The following OTOG variants were observed in gnomAD, a reference collection of about 807,000 sequenced individuals.
The protein encoded by OTOG is otogelin.
In OTOG, 296 loss-of-function variants were observed where a neutral mutation model predicts 313.8. The ratio of observed to expected loss-of-function variants is 0.94; its 90% CI spans 0.86 to 1.04. OTOG has a LOEUF of 1.04. Among genes scored for constraint, OTOG ranks in the 50% least tolerant of loss-of-function variants. The pLI is 0.00. For synonymous variants in OTOG, 1,533 were observed against 1,554.9 expected (o/e 0.99, Z 0.33); for missense variants, 3,948 against 3,840.1 (o/e 1.03, Z -0.74).
intron 15 of OTOG, among the ~76,000 whole-genome samples, chr11:17,564,790 A>G (rs1000835124): frequency 6.6e-6 from 1 of 152,180 alleles, no homozygotes; most frequent in Non-Finnish European, 1.5e-5. Context: ...CCCATTTTAA[A>G]TATGATGAGA....
intron 3 of OTOG, among the ~76,000 whole-genome samples, chr11:17,549,698 G>T (rs56878728): frequency 0.098 from 14,855 of 152,188 alleles, 831 homozygotes; most frequent in Middle Eastern, 0.27. Context: ...TTCCCTGTGG[G>T]TATCCTCCCG....
At chr11:17,564,142 T>A (rs1365664025) in intron 15 of OTOG, among the ~76,000 whole-genome samples, 1 of 152,172 alleles carries the variant, frequency 6.6e-6, no homozygotes, top group African/African-American at 2.4e-5. Flanking sequence ...ACCCACATGA[T>A]GGACCCATGG....
At chr11:17,640,692 G>A in intron 49 of OTOG, 53 bp from the exon 50 acceptor site, 3 of 1,526,508 alleles carry the variant, frequency 2.0e-6, no homozygotes, top group Non-Finnish European at 2.6e-6. Flanking sequence ...GACTGCTCCT[G>A]AGGGCCAGGC....
chr11:17,608,503 A>G (rs934734307), intron 34 of OTOG, 90 bp downstream of exon 34: 2 of 884,536 alleles, frequency 2.3e-6, no homozygotes, highest in Non-Finnish European at 3.3e-6. Context: ...AGTGTTTCAT[A>G]TGTTGAGTGT....
rs1420413015 is a variant in OTOG at position 17,551,991 on chromosome 11, C to A, written c.217-9C>A. 6.5e-7 allele frequency: 1 copy of A among 1,550,340 alleles called. No homozygotes were observed. Among genetic ancestry groups the A allele is most frequent in the South Asian group, 1.2e-5 (1 of 84,054 alleles). On this transcript the variant is annotated splice_polypyrimidine_tract_variant and intron_variant, in intron 3 of 55. Transcript: ENST00000399397. ...CCTCGATGTGTTCTCTTCCTCCTGTCTTCACAAGCAGGCTGAAGCCCCAGA... is the reference window on the plus strand; with the variant it reads ...CCTCGATGTGTTCTCTTCCTCCTGTATTCACAAGCAGGCTGAAGCCCCAGA...
chr11:17,571,116 G>C (rs1045287513), intron 17 of OTOG, among the ~76,000 whole-genome samples: 1 of 152,200 alleles, frequency 6.6e-6, no homozygotes, highest in Non-Finnish European at 1.5e-5. Flanking sequence ...TAGCCAAAAC[G>C]GAGAATTCAG....
chr11:17,576,790 C>A, intron 21 of OTOG, 78 bp from the exon 22 acceptor site: 1 of 1,519,844 alleles, frequency 6.6e-7, no homozygotes, highest in Non-Finnish European at 8.9e-7. Flanking sequence ...TCTGCAGTGA[C>A]CCGAGTGCAG....
Position 17,571,249 on chromosome 11 carries a change from G to A in OTOG, c.1956-831G>A, listed in dbSNP as rs191798689. On this transcript the variant is annotated intron_variant, in intron 17 of 55. Transcript: ENST00000399397. ...AGATGTTAGGGTAGCTGGCCAAATAGTAGGGGGAGACCTTGGTTTAGTGTG... is the reference window on the plus strand; with the variant it reads ...AGATGTTAGGGTAGCTGGCCAAATAATAGGGGGAGACCTTGGTTTAGTGTG... Among the ~76,000 whole-genome samples the A allele has an allele frequency of 3.7e-3, 567 of 152,352 alleles. 5 individuals carry two copies. The highest frequency in any genetic ancestry group is 0.012 in the African/African-American group (518 of 41,578).
At chr11:17,572,461 GC>G (rs1403960189) in intron 18 of OTOG, among the ~76,000 whole-genome samples, 4 of 152,162 alleles carry the variant, frequency 2.6e-5, no homozygotes, top group African/African-American at 9.7e-5. Context: ...GCGGAAGTCG[GC>G]CCCATGGCCC....
chr11:17,580,550 G>T (rs1461178674), intron 23 of OTOG, among the ~76,000 whole-genome samples: 1 of 152,214 alleles, frequency 6.6e-6, no homozygotes, highest in Non-Finnish European at 1.5e-5. Flanking sequence ...CCCATGATGG[G>T]CACACAGCAG....
intron 6 of OTOG, among the ~76,000 whole-genome samples, chr11:17,555,259 G>C (rs190584910): frequency 6.6e-6 from 1 of 152,062 alleles, no homozygotes; most frequent in Non-Finnish European, 1.5e-5. Context: ...AGTGAGATGT[G>C]TGCCGATGGG....
rs1853438047 is a variant in OTOG at position 17,608,286 on chromosome 11, C to T, written c.4157-10C>T. 1.3e-6 allele frequency: 2 copies of T among 1,514,886 alleles called. No individual in the cohort carries two copies. Among genetic ancestry groups the T allele is most frequent in the Admixed American group, 2.1e-5 (1 of 47,094 alleles). The allele number at this position is 1,514,886 out of a possible 1,614,324, so 93.8% of individuals were successfully genotyped here. ...CTGACCCAGAGTTGCTGCCCCATCT[C>T]ACTTTCTAGATGCCAAGCCCTCGGG... On this transcript the variant is annotated splice_polypyrimidine_tract_variant and intron_variant, in intron 33 of 55. Transcript: ENST00000399397.
Position 17,639,405 on chromosome 11 carries a change from GC to G in OTOG, c.7895-14del, listed in dbSNP as rs1374545257. The stretch of plus-strand genomic sequence containing the variant: ...GACATCCCTGATGAAGTGGGGCCTG[GC>G]CCCTTGTGTTTTTCAGAATGTGACT... On this transcript the variant is annotated splice_polypyrimidine_tract_variant and intron_variant, in intron 48 of 55. Coordinates refer to ENST00000399397, the MANE Select transcript of OTOG (RefSeq NM_001292063.2). The G allele has an allele frequency of 1.9e-6, 3 of 1,550,506 alleles. No individual in the cohort carries two copies. In the African/African-American group the frequency reaches 4.1e-5, roughly 21 times the overall value.
chr11:17,632,610 C>G (rs1259532115), intron 42 of OTOG, among the ~76,000 whole-genome samples: 1 of 152,040 alleles, frequency 6.6e-6, no homozygotes, highest in Non-Finnish European at 1.5e-5. Context: ...ATAGACCTGC[C>G]CCACGGACAC....
intron 22 of OTOG, among the ~76,000 whole-genome samples, chr11:17,577,807 A>G (rs573514835): frequency 6.6e-6 from 1 of 152,210 alleles, no homozygotes; most frequent in South Asian, 2.1e-4. Context: ...TTTCCTAAAA[A>G]AGATCACTCA....
rs755818807 is a variant in OTOG at position 17,609,720 on chromosome 11, G to C, written c.4420G>C (p.Gly1474Arg). ...CAATGAGACCCTCCCTCCCAGTCAA[G>C]GGTTGCCCACTCCCAGTGATGAGGA... ...LGNETLPPSQ[G>R]LPTPSDEEPQ... Residue 1474 changes from glycine (G) to arginine (R), a missense_variant, in exon 36 of 56, where the codon GGG (glycine) becomes CGG (arginine). Coordinates refer to ENST00000399397, the MANE Select transcript of OTOG (RefSeq NM_001292063.2). 1 of 1,541,342 alleles carries C rather than the reference G, an allele frequency of 6.5e-7. No individual in the cohort carries two copies. The highest frequency in any genetic ancestry group is 8.8e-7 in the Non-Finnish European group (1 of 1,142,096).
chr11:17,627,462 G>T (rs1033004418), intron 39 of OTOG, among the ~76,000 whole-genome samples: 3 of 152,012 alleles, frequency 2.0e-5, no homozygotes, highest in Non-Finnish European at 2.9e-5. Flanking sequence ...CACAATTAAT[G>T]ATCTTTTTGA....
intron 3 of OTOG, 64 bp from the exon 4 acceptor site, chr11:17,551,936 G>T: frequency 6.2e-6 from 9 of 1,449,144 alleles, no homozygotes; most frequent in Non-Finnish European, 7.6e-6. Flanking sequence ...CCACCAGGAA[G>T]CCTGCCTGGG....
Position 17,612,215 on chromosome 11 carries a change from T to A in OTOG, c.6177T>A (p.Ile2059=). The change falls in exon 37 of 56, where the codon ATT becomes ATA. Residue 2059 remains isoleucine, a synonymous_variant. Coordinates refer to ENST00000399397, the MANE Select transcript of OTOG (RefSeq NM_001292063.2). ...VRHICLEGQL[I]RVNQSQHCPQ... is the part of the protein sequence containing the mutation. Reference sequence around the variant, plus strand: ...ACATCTGCCTGGAGGGCCAGCTGATTCGCGTGAATCAGTCCCAGCACTGTC... The same window carrying A: ...ACATCTGCCTGGAGGGCCAGCTGATACGCGTGAATCAGTCCCAGCACTGTC... 1 of 1,549,550 alleles carries A rather than the reference T, an allele frequency of 6.5e-7. No homozygotes were observed. The highest frequency in any genetic ancestry group is 8.7e-7 in the Non-Finnish European group (1 of 1,146,970).
Sources: gnomAD v4.1 joint callset for allele counts (sites outside exome capture counted in the v4.1 genomes callset) on GRCh38, gnomAD v4.1.1 for gene constraint, MANE v1.5 for transcripts, NCBI Gene and HGNC (gene_info 2026-07-23, HGNC 2026-07-21) for gene names.